SLC45A2: variants seen among roughly 807,000 people sequenced by gnomAD.
The protein encoded by SLC45A2 is membrane-associated transporter protein.
SLC45A2 carries 36 observed loss-of-function variants against 45.5 expected under a neutral mutation model. The observed-to-expected ratio is 0.79, with a 90% CI of 0.61 to 1.04. The LOEUF (loss-of-function observed/expected upper bound fraction) is 1.04. Among genes scored for constraint, SLC45A2 ranks in the 50% least tolerant of loss-of-function variants. The pLI is 0.00. For missense variants in SLC45A2, 719 were observed against 671.0 expected (o/e 1.07, Z -0.79); for synonymous variants, 306 against 269.3 (o/e 1.14, Z -1.33).
intron 2 of SLC45A2, among the ~76,000 whole-genome samples, chr5:33,973,740 A>G (rs971148305): frequency 6.6e-6 from 1 of 152,252 alleles, no homozygotes; most frequent in African/African-American, 2.4e-5. Flanking sequence ...GTCATTACAA[A>G]TAAAATGTTT....
rs1288215633 is a variant in SLC45A2, at chr5:33,944,865, TGCTGCCTCTGCAAAGGAAGCACA to T, written c.1369-16_1375del. On this transcript the variant is annotated splice_acceptor_variant and splice_polypyrimidine_tract_variant and coding_sequence_variant and intron_variant, in exon 7 of 7. Transcript: ENST00000296589. LOFTEE classifies it high-confidence loss of function. ...GTTGTCTGGGTCCCCTCCTGGGGCC[TGCTGCCTCTGCAAAGGAAGCACA>T]GAACCACCATTTGACCTACAAGGAA... 1 of 1,611,280 alleles carries T rather than the reference TGCTGCCTCTGCAAAGGAAGCACA, an allele frequency of 6.2e-7. No homozygotes were observed. Among genetic ancestry groups the T allele is most frequent in the Non-Finnish European group, 8.5e-7 (1 of 1,178,862 alleles).
chr5:33,956,882 A>G lies in SLC45A2; in HGVS notation c.889-2378T>C, dbSNP rs568518402. On this transcript the variant is annotated intron_variant, in intron 3 of 6. Transcript: ENST00000296589. ...CTTACAAAAGTAAGCAATGAACTCAATGGAGCTTACATTAAGAAATAAAGT... is the reference window on the plus strand; with the variant it reads ...CTTACAAAAGTAAGCAATGAACTCAGTGGAGCTTACATTAAGAAATAAAGT... Among the ~76,000 whole-genome samples, 6 of 152,296 alleles carry G rather than the reference A, an allele frequency of 3.9e-5. No homozygotes were observed. The South Asian group carries it at 1.0e-3, about 26-fold the overall frequency.
At chr5:33,971,636 T>G (rs1323913932) in intron 2 of SLC45A2, among the ~76,000 whole-genome samples, 1 of 152,064 alleles carries the variant, frequency 6.6e-6, no homozygotes, top group Non-Finnish European at 1.5e-5. Context: ...TATTTTTTAT[T>G]TTTTATTTTG....
intron 2 of SLC45A2, among the ~76,000 whole-genome samples, chr5:33,974,609 C>T (rs1329246640): frequency 6.6e-6 from 1 of 152,144 alleles, no homozygotes; most frequent in African/African-American, 2.4e-5. Flanking sequence ...ATCTCTTTGT[C>T]AAGGGCATGT....
intron 2 of SLC45A2, chr5:33,972,314 G>T: frequency 2.5e-6 from 1 of 397,482 alleles, no homozygotes; most frequent in Non-Finnish European, 5.1e-6. Context: ...CAAATACACG[G>T]GATCTTGCTT....
rs1752184176 is a variant in SLC45A2, at chr5:33,953,623, C to T, written c.1032+738G>A. Among the ~76,000 whole-genome samples the T allele has an allele frequency of 4.2e-5, 6 of 144,478 alleles. No homozygotes were observed. The South Asian group carries it at 1.4e-3, about 34-fold the overall frequency. 94.8% of individuals were successfully genotyped at this position (144,478 alleles called of 152,430 possible). ...CAAAATCATGCCAAAATGTAAAGAC[C>T]ATCGAGACTAGGAAGAAACTGCATC... On this transcript the variant is annotated intron_variant, in intron 4 of 6. Coordinates refer to ENST00000296589, the MANE Select transcript of SLC45A2 (RefSeq NM_016180.5).
In SLC45A2 at chr5:33,984,342, C is replaced by G. The variant is rs1753174396; in HGVS notation, c.242G>C (p.Gly81Ala). Reference sequence around the variant, plus strand: ...TCCGACCACGGGCTGCAGCAGGAATCCCAGGATGGGGCTGAGGAACCACAC... The same window carrying G: ...TCCGACCACGGGCTGCAGCAGGAATGCCAGGATGGGGCTGAGGAACCACAC... ...SIVWFLSPIL[G>A]FLLQPVVGSA... Residue 81 changes from glycine to alanine, a missense_variant, in exon 1 of 7, where the codon GGA becomes GCA. By Grantham distance (60) the Gly-to-Ala change is moderately conservative. Transcript: ENST00000296589. The G allele has an allele frequency of 6.2e-7, 1 of 1,614,094 alleles. No homozygotes were observed. The highest frequency in any genetic ancestry group is 8.5e-7 in the Non-Finnish European group (1 of 1,179,990).
rs1314784958 is a variant in SLC45A2 at position 33,984,426 on chromosome 5, G to T, written c.158C>A (p.Ala53Glu). 1.2e-6 allele frequency: 2 copies of T among 1,613,482 alleles called. No individual in the cohort carries two copies. The highest frequency in any genetic ancestry group is 2.7e-5 in the African/African-American group (2 of 74,936). ...GAGCAGGACTGGGGTCACATACGCT[G>T]CCTCCACCGCGTAGCAGAACTCTCT... ...FGREFCYAVE[A>E]AYVTPVLLSV... The change falls in exon 1 of 7, where the codon GCA (alanine) becomes GAA (glutamate). Residue 53 changes from alanine to glutamate, a missense_variant. Physicochemically the swap from Ala to Glu is moderately radical, Grantham distance 107. Transcript: ENST00000296589.
At chr5:33,983,946 AAT>A (rs1276213325) in intron 1 of SLC45A2, among the ~76,000 whole-genome samples, 2 of 152,250 alleles carry the variant, frequency 1.3e-5, no homozygotes, top group African/African-American at 4.8e-5. Context: ...AATTTAATAA[AAT>A]AGATACAAAT....
chr5:33,971,825 C>T (rs191055086), intron 2 of SLC45A2, among the ~76,000 whole-genome samples: 1 of 152,258 alleles, frequency 6.6e-6, no homozygotes, highest in Admixed American at 6.5e-5. Context: ...CGAGATTTCA[C>T]CACATTGGCC....
intron 2 of SLC45A2, among the ~76,000 whole-genome samples, chr5:33,964,728 G>C (rs1278742352): frequency 6.6e-6 from 1 of 152,126 alleles, no homozygotes; most frequent in East Asian, 1.9e-4. Context: ...TGTCACTTGA[G>C]GGATACTGAG....
intron 3 of SLC45A2, among the ~76,000 whole-genome samples, chr5:33,961,833 A>G (rs1374228542): frequency 6.6e-6 from 1 of 152,166 alleles, no homozygotes; most frequent in Non-Finnish European, 1.5e-5. Context: ...GATAGTGACT[A>G]ACAAGACGGG....
chr5:33,960,278 C>CATATAT (rs10565330), intron 3 of SLC45A2, among the ~76,000 whole-genome samples: 27 of 147,434 alleles, frequency 1.8e-4, no homozygotes, highest in Admixed American at 1.6e-3. Flanking sequence ...ATTCATCTGA[C>CATATAT]ATATATATAT....
chr5:33,964,037 T>A, intron 2 of SLC45A2, 21 bp from the exon 3 acceptor site: 2 of 1,611,406 alleles, frequency 1.2e-6, no homozygotes, highest in Non-Finnish European at 1.7e-6. Flanking sequence ...AGAAAAGCTA[T>A]GTTAGCATAT....
intron 4 of SLC45A2, among the ~76,000 whole-genome samples, chr5:33,952,660 T>A (rs1752145862): frequency 6.7e-6 from 1 of 149,444 alleles, no homozygotes; most frequent in Admixed American, 6.7e-5. Context: ...CAAGTTAATT[T>A]CTATTGAGCA....
chr5:33,948,192 C>G (rs1481306916), intron 5 of SLC45A2, among the ~76,000 whole-genome samples: 1 of 152,206 alleles, frequency 6.6e-6, no homozygotes, highest in Non-Finnish European at 1.5e-5. Flanking sequence ...ACAGGCTGAG[C>G]TGGAGACAGT....
chr5:33,971,975 G>T, intron 2 of SLC45A2: 1 of 448,120 alleles, frequency 2.2e-6, no homozygotes, highest in South Asian at 1.6e-5. Context: ...TCACCATGGT[G>T]CCCAGGTCCA....
chr5:33,967,380 G>A (rs1043111369), intron 2 of SLC45A2, among the ~76,000 whole-genome samples: 2 of 152,132 alleles, frequency 1.3e-5, no homozygotes, highest in African/African-American at 2.4e-5. Context: ...TAATGTGCAC[G>A]CAAATCATGT....
intron 1 of SLC45A2, among the ~76,000 whole-genome samples, chr5:33,983,921 G>A (rs1233713242): frequency 1.3e-5 from 2 of 152,088 alleles, no homozygotes; most frequent in African/African-American, 4.8e-5. Context: ...TATTCAATTC[G>A]ATAAAATAGA....
Sources: allele counts gnomAD v4.1 joint callset (sites outside exome capture counted in the v4.1 genomes callset), GRCh38; gene constraint gnomAD v4.1.1; transcripts MANE v1.5; gene names NCBI Gene and HGNC (gene_info 2026-07-23, HGNC 2026-07-21).